The following GLIS3 variants were observed in gnomAD, a reference collection of about 807,000 sequenced individuals.
GLIS3 encodes GLIS family zinc finger 3.
In GLIS3, 53 loss-of-function variants were observed where a neutral mutation model predicts 78.6. The observed-to-expected ratio is 0.67, with a 90% CI of 0.54 to 0.85. The LOEUF is 0.85. Ranked by LOEUF, GLIS3 falls within the 40% of genes least tolerant of loss-of-function variation. The pLI is 0.00. For missense variants in GLIS3, 1,703 were observed against 1,231.1 expected (o/e 1.38, Z -5.74); for synonymous variants, 684 against 509.9 (o/e 1.34, Z -4.60).
the GLIS3 span, among the ~76,000 whole-genome samples, chr9:4,383,331 T>G: frequency 6.6e-6 from 1 of 152,262 alleles, no homozygotes; most frequent in African/African-American, 2.4e-5. Flanking sequence ...CCATAACATT[T>G]GGAACTGCTG....
the GLIS3 span, among the ~76,000 whole-genome samples, chr9:4,407,461 C>A: frequency 7.9e-5 from 12 of 152,216 alleles, no homozygotes; most frequent in African/African-American, 2.6e-4. Context: ...CTGGCTAACA[C>A]TGTGAAACCC....
chr9:3,987,693 G>GT (rs1455917041), intron 4 of GLIS3, among the ~76,000 whole-genome samples: 1 of 114,832 alleles, frequency 8.7e-6, no homozygotes, highest in East Asian at 2.8e-4. Context: ...GTGAAACAAC[G>GT]TTTAAAAAAA....
chr9:4,239,995 G>A (rs932833608), intron 2 of GLIS3, among the ~76,000 whole-genome samples: 6 of 151,868 alleles, frequency 4.0e-5, no homozygotes, highest in South Asian at 4.2e-4. Flanking sequence ...CTTTTTTTAC[G>A]TTGAATTATT....
At chr9:4,096,128 C>A (rs144576834) in intron 4 of GLIS3, among the ~76,000 whole-genome samples, 2 of 151,466 alleles carry the variant, frequency 1.3e-5, no homozygotes, top group Admixed American at 6.6e-5. Context: ...AAGATAAATT[C>A]ATTGACCAAA....
chr9:4,350,331 A>G (rs999635356), upstream of GLIS3, among the ~76,000 whole-genome samples: 1 of 152,238 alleles, frequency 6.6e-6, no homozygotes, highest in African/African-American at 2.4e-5. Flanking sequence ...ATTAACTTAA[A>G]GAGACTATTT....
intron 2 of GLIS3, among the ~76,000 whole-genome samples, chr9:4,203,197 A>G (rs893267665): frequency 6.6e-6 from 1 of 152,218 alleles, no homozygotes; most frequent in African/African-American, 2.4e-5. Flanking sequence ...AAGAAGACAT[A>G]CAAGTGGCCA....
chr9:4,136,624 A>G (rs903801663), intron 2 of GLIS3, among the ~76,000 whole-genome samples: 2 of 152,220 alleles, frequency 1.3e-5, no homozygotes, highest in Non-Finnish European at 2.9e-5. Context: ...TTTAGAAAAG[A>G]ATAAGCTAAA....
rs145068105 is a variant in GLIS3, at chr9:4,252,126, T to G, written c.388+33912A>C. Among the ~76,000 whole-genome samples, 1,466 of 152,270 alleles carry G rather than the reference T, an allele frequency of 9.6e-3. 26 individuals carry two copies. Among genetic ancestry groups the G allele is most frequent in the African/African-American group, 0.034 (1,402 of 41,562 alleles). ...AGGAGTATCTTTGTGGTGTTCTCTG[T>G]ATTTCCAGAATTTGAATGTTGGCCT... On this transcript the variant is annotated intron_variant, in intron 2 of 10. Transcript: ENST00000381971.
At chr9:4,332,496 T>G (rs1259510244) in intron 2 of GLIS3, among the ~76,000 whole-genome samples, 1 of 152,222 alleles carries the variant, frequency 6.6e-6, no homozygotes, top group African/African-American at 2.4e-5. Flanking sequence ...TACTTTTGTC[T>G]TCCTCTCTCC....
Position 3,917,823 on chromosome 9 carries a change from A to G in GLIS3, c.1983+14537T>C, listed in dbSNP as rs566632115. On this transcript the variant is annotated intron_variant, in intron 6 of 10. Transcript: ENST00000381971. ...CATAGTTGCTCCTTGAAAATTGGTA[A>G]TTGAACCCACATTGACATATAATGG... Among the ~76,000 whole-genome samples the G allele has an allele frequency of 2.0e-5, 3 of 152,354 alleles. No individual in the cohort carries two copies. In the East Asian group the frequency reaches 5.8e-4, roughly 29 times the overall value.
intron 7 of GLIS3, among the ~76,000 whole-genome samples, chr9:3,893,408 A>G (rs1194081079): frequency 6.6e-6 from 1 of 152,212 alleles, no homozygotes; most frequent in African/African-American, 2.4e-5. Context: ...AAACATGCAG[A>G]TGAGCCCTGT....
At chr9:4,143,810 G>A (rs1178756593) in intron 2 of GLIS3, among the ~76,000 whole-genome samples, 1 of 152,148 alleles carries the variant, frequency 6.6e-6, no homozygotes. Context: ...ACACCTAAGT[G>A]AGATCAGCCA....
At chr9:3,999,823 G>T (rs1468943074) in intron 4 of GLIS3, among the ~76,000 whole-genome samples, 1 of 152,088 alleles carries the variant, frequency 6.6e-6, no homozygotes, top group African/African-American at 2.4e-5. Context: ...GTTTAAAGAA[G>T]AACAGAGCTG....
At chr9:4,065,374 T>A (rs1827007866) in intron 4 of GLIS3, among the ~76,000 whole-genome samples, 1 of 152,254 alleles carries the variant, frequency 6.6e-6, no homozygotes, top group Non-Finnish European at 1.5e-5. Context: ...TGTTTTATTT[T>A]AACACACTGT....
intron 4 of GLIS3, among the ~76,000 whole-genome samples, chr9:3,951,772 TGAAATGACTGAGATGGAAAA>T (rs1816694727): frequency 6.8e-6 from 1 of 147,838 alleles, no homozygotes; most frequent in African/African-American, 2.5e-5. Flanking sequence ...AATTCAAACT[TGAAATGACTGAGATGGAAAA>T]GCAACCTCAA....
rs554736695 is a variant in GLIS3 at position 3,952,354 on chromosome 9, C to G, written c.1711-15165G>C. Among the ~76,000 whole-genome samples the G allele has an allele frequency of 5.3e-5, 8 of 152,246 alleles. No individual in the cohort carries two copies. In the East Asian group the frequency reaches 9.7e-4, roughly 18 times the overall value. On this transcript the variant is annotated intron_variant, in intron 4 of 10. Coordinates refer to ENST00000381971, the MANE Select transcript of GLIS3 (RefSeq NM_001042413.2). ...GTGGCTGATTTGAACCAGAAGCCCCCCCAGAGGCACCACCACCCAGGGGAT... is the reference window on the plus strand; with the variant it reads ...GTGGCTGATTTGAACCAGAAGCCCCGCCAGAGGCACCACCACCCAGGGGAT...
At chr9:4,488,914 T>C in the GLIS3 span, among the ~76,000 whole-genome samples, 14 of 152,084 alleles carry the variant, frequency 9.2e-5, no homozygotes, top group South Asian at 8.3e-4. Context: ...TCGCCTAGGC[T>C]GGAGCGCAGT....
chr9:3,840,707 G>A (rs1333724667), intron 9 of GLIS3, among the ~76,000 whole-genome samples: 1 of 152,210 alleles, frequency 6.6e-6, no homozygotes, highest in Non-Finnish European at 1.5e-5. Context: ...TTTGTCCTTG[G>A]AGAGATGGGT....
At chr9:4,438,892 G>C in the GLIS3 span, among the ~76,000 whole-genome samples, 1 of 152,230 alleles carries the variant, frequency 6.6e-6, no homozygotes, top group South Asian at 2.1e-4. Flanking sequence ...CCTAGTCCTA[G>C]GTATGTCTTT....
Sources: gnomAD v4.1 joint callset for allele counts (sites outside exome capture counted in the v4.1 genomes callset) on GRCh38, gnomAD v4.1.1 for gene constraint, MANE v1.5 for transcripts, NCBI Gene and HGNC (gene_info 2026-07-23, HGNC 2026-07-21) for gene names.